The following DYTN variants were observed in gnomAD, a reference collection of about 807,000 sequenced individuals.
The protein encoded by DYTN is dystrotelin.
DYTN carries 75 observed loss-of-function variants against 69.6 expected under a neutral mutation model. That is an observed-to-expected ratio of 1.08 (90% confidence interval 0.89 to 1.31). The LOEUF (loss-of-function observed/expected upper bound fraction) is 1.31. Ranked by LOEUF, DYTN falls within the 50% of genes most tolerant of loss-of-function variation. The pLI is 0.00. For missense variants in DYTN, 726 were observed against 688.4 expected, an observed-to-expected ratio of 1.05 and a Z score of -0.61; for synonymous variants, 252 against 249.1, an observed-to-expected ratio of 1.01 and a Z score of -0.11.
At chr2:206,693,107 G>T in intron 9 of DYTN, 68 bp downstream of exon 9, 1 of 1,503,068 alleles carries the variant, frequency 6.7e-7, no homozygotes, top group Non-Finnish European at 8.9e-7. Flanking sequence ...ATTGCTGGCC[G>T]GTTACCATAA....
chr2:206,666,124 A>G (rs983897090), intron 9 of DYTN, 95 bp from the exon 10 acceptor site: 2 of 1,459,726 alleles, frequency 1.4e-6, no homozygotes, highest in Non-Finnish European at 9.2e-7. Flanking sequence ...TTTTTGTGGG[A>G]AAAGATGCTG....
chr2:206,689,428 A>G (rs751373703), intron 9 of DYTN, among the ~76,000 whole-genome samples: 12 of 152,208 alleles, frequency 7.9e-5, no homozygotes, highest in Admixed American at 2.6e-4. Flanking sequence ...TGAGCCACAA[A>G]TCAGAATTTC....
At chr2:206,714,602 G>A (rs183564417) in intron 1 of DYTN, among the ~76,000 whole-genome samples, 1 of 152,324 alleles carries the variant, frequency 6.6e-6, no homozygotes, top group Admixed American at 6.5e-5. Flanking sequence ...AGAGGCTGAT[G>A]CCTGGACAAG....
chr2:206,661,692 ATATGACATGCAAAGTGTGTGT>A (rs1699514250), intron 11 of DYTN, among the ~76,000 whole-genome samples: 2 of 152,234 alleles, frequency 1.3e-5, no homozygotes, highest in Non-Finnish European at 2.9e-5. Flanking sequence ...TATATAATAC[ATATGACATGCAAAGTGTGTGT>A]TAATCAACCG....
chr2:206,655,400 C>T (rs537648907), intron 11 of DYTN, among the ~76,000 whole-genome samples: 2 of 151,822 alleles, frequency 1.3e-5, no homozygotes, highest in East Asian at 3.9e-4. Flanking sequence ...CATGTGTCAC[C>T]ATGCCCAGCT....
chr2:206,707,555 G>C, intron 2 of DYTN, 52 bp from the exon 3 acceptor site: 1 of 1,525,680 alleles, frequency 6.6e-7, no homozygotes, highest in South Asian at 1.2e-5. Context: ...GGAACAAAAG[G>C]CTTCAAATAA....
chr2:206,668,501 G>A (rs1440057293), intron 9 of DYTN, among the ~76,000 whole-genome samples: 3 of 152,134 alleles, frequency 2.0e-5, no homozygotes, highest in Admixed American at 6.5e-5. Flanking sequence ...AACAATTCAG[G>A]TTATCTAAGA....
intron 5 of DYTN, among the ~76,000 whole-genome samples, chr2:206,703,313 C>T (rs1213276718): frequency 1.3e-5 from 2 of 152,130 alleles, no homozygotes; most frequent in South Asian, 2.1e-4. Context: ...CACAAATGGG[C>T]GGACAGACTG....
At chr2:206,700,372 T>A (rs1235879756) in intron 5 of DYTN, among the ~76,000 whole-genome samples, 156 bp from the exon 6 acceptor site, 1 of 152,084 alleles carries the variant, frequency 6.6e-6, no homozygotes, top group East Asian at 1.9e-4. Flanking sequence ...AACAAAGAAA[T>A]GCGTGGGTTT....
chr2:206,699,322 A>G (rs1699951947), intron 7 of DYTN, among the ~76,000 whole-genome samples: 1 of 152,150 alleles, frequency 6.6e-6, no homozygotes, highest in Non-Finnish European at 1.5e-5. Context: ...ACCCCCAGCT[A>G]CCCAGGAGGC....
chr2:206,672,922 TAAAA>T (rs1204531109), intron 9 of DYTN, among the ~76,000 whole-genome samples: 1 of 152,262 alleles, frequency 6.6e-6, no homozygotes, highest in East Asian at 1.9e-4. Context: ...TTTTCTTTTT[TAAAA>T]AAACTTGCAT....
rs77440691 is a variant in DYTN, at chr2:206,668,528, C to A, written c.981-2499G>T. Among the ~76,000 whole-genome samples, 8 of 152,272 alleles carry A rather than the reference C, an allele frequency of 5.3e-5. No homozygotes were observed. In the East Asian group the frequency reaches 1.5e-3, roughly 29 times the overall value. On this transcript the variant is annotated intron_variant, in intron 9 of 11. Transcript: ENST00000452335. ...TATCTAAGAAATAATTCCTTTCAAACGACATAAAATCTGCCTTTCTATACT... is the reference window on the plus strand; with the variant it reads ...TATCTAAGAAATAATTCCTTTCAAAAGACATAAAATCTGCCTTTCTATACT...
chr2:206,658,984 CTT>C (rs35131832), intron 11 of DYTN, among the ~76,000 whole-genome samples: 26,526 of 139,968 alleles, frequency 0.19, 2,529 homozygotes, highest in African/African-American at 0.25. Flanking sequence ...AACAAGAGGA[CTT>C]TTTTTTTTTT....
chr2:206,688,660 G>C (rs1435453640), intron 9 of DYTN, among the ~76,000 whole-genome samples: 1 of 152,172 alleles, frequency 6.6e-6, no homozygotes, highest in Non-Finnish European at 1.5e-5. Context: ...AGGCAAATTT[G>C]TAAGTATTGA....
intron 9 of DYTN, among the ~76,000 whole-genome samples, chr2:206,669,264 T>C (rs902076390): frequency 6.6e-6 from 1 of 152,230 alleles, no homozygotes; most frequent in African/African-American, 2.4e-5. Flanking sequence ...GGGCCTCCAA[T>C]TGTGGGACTT....
At position 206,661,722 on chromosome 2, in the gene DYTN, C is replaced by T. The variant is rs142704074; in HGVS notation, c.1633+1181G>A. 1.2e-3 allele frequency among the ~76,000 whole-genome samples: 178 copies of T among 152,110 alleles called. 1 individual carries two copies. Among genetic ancestry groups the T allele is most frequent in the African/African-American group, 4.0e-3 (165 of 41,476 alleles). On this transcript the variant is annotated intron_variant, in intron 11 of 11. Transcript: ENST00000452335. ...ACATGCAAAGTGTGTGTTAATCAAC[C>T]GTTTATGTTCATTGGTAAGGCTTCC... is the stretch of plus-strand genomic sequence containing the variant.
At position 206,707,409 on chromosome 2, in the gene DYTN, A is replaced by T. The variant is rs67248530; in HGVS notation, c.189T>A (p.Ser63=). ...TCTGAAACAGCTCTTGGAGTGCCTG[A>T]GAAAGTTGCTGCACAGAAAGGGAGT... The part of the protein sequence containing the change: ...RKHSLSVQQL[S]QALQELFQKA... The change falls in exon 3 of 12, where the codon TCT becomes TCA. Residue 63 remains serine, a synonymous_variant. Transcript: ENST00000452335. 1.9e-6 allele frequency: 3 copies of T among 1,613,044 alleles called. No individual in the cohort carries two copies. The highest frequency in any genetic ancestry group is 1.7e-5 in the Admixed American group (1 of 59,860).
intron 5 of DYTN, 82 bp downstream of exon 5, chr2:206,704,760 CA>C: frequency 8.5e-7 from 1 of 1,182,580 alleles, no homozygotes; most frequent in Non-Finnish European, 1.2e-6. Context: ...ATAGACTTGA[CA>C]CTGGAGACAT....
chr2:206,717,065 CACACACACACACAA>C (rs1700136814), intron 1 of DYTN, among the ~76,000 whole-genome samples: 1 of 151,860 alleles, frequency 6.6e-6, no homozygotes, highest in South Asian at 2.1e-4. Context: ...CACACACACA[CACACACACACACAA>C]AACAAACTCA....
Sources: gnomAD v4.1 joint callset for allele counts (sites outside exome capture counted in the v4.1 genomes callset) on GRCh38, gnomAD v4.1.1 for gene constraint, MANE v1.5 for transcripts, NCBI Gene and HGNC (gene_info 2026-07-23, HGNC 2026-07-21) for gene names.